DSCAM: variants seen among roughly 807,000 people sequenced by gnomAD.
The protein encoded by DSCAM is cell adhesion molecule DSCAM.
In DSCAM, 47 loss-of-function variants were observed where a neutral mutation model predicts 217.7. The ratio of observed to expected loss-of-function variants is 0.22; its 90% CI spans 0.17 to 0.28. The LOEUF (loss-of-function observed/expected upper bound fraction) is 0.28. Ranked by LOEUF, DSCAM falls within the 10% of genes least tolerant of loss-of-function variation. The pLI is 1.00. For missense variants in DSCAM, 2,080 were observed against 2,618.3 expected, an observed-to-expected ratio of 0.79 and a Z score of 4.49; for synonymous variants, 1,056 against 1,015.3, an observed-to-expected ratio of 1.04 and a Z score of -0.76.
chr21:40,677,825 G>T (rs1313927164), intron 3 of DSCAM, among the ~76,000 whole-genome samples: 1 of 151,978 alleles, frequency 6.6e-6, no homozygotes, highest in East Asian at 1.9e-4. Context: ...TATGAACCAG[G>T]AAGAGAACCC....
At chr21:40,371,509 G>A (rs2074898745) in intron 3 of DSCAM, among the ~76,000 whole-genome samples, 1 of 152,096 alleles carries the variant, frequency 6.6e-6, no homozygotes, top group African/African-American at 2.4e-5. Flanking sequence ...ATGAGTGGTG[G>A]CAAAATACAA....
chr21:40,528,553 T>C lies in DSCAM; in HGVS notation c.509-159308A>G, dbSNP rs375363693. ...TCCTTGAGCCAAGAATTTCTTCTAC[T>C]TCAATCGTCATGTCTGTGACATTTG... On this transcript the variant is annotated intron_variant, in intron 3 of 32. Transcript: ENST00000400454. Among the ~76,000 whole-genome samples the C allele has an allele frequency of 5.3e-5, 8 of 152,352 alleles. No homozygotes were observed. The East Asian group carries it at 9.6e-4, about 18-fold the overall frequency.
intron 1 of DSCAM, among the ~76,000 whole-genome samples, chr21:40,747,179 C>A (rs117532654): frequency 0.011 from 1,678 of 151,228 alleles, 12 homozygotes; most frequent in Middle Eastern, 0.027. Context: ...ACAAACTGAA[C>A]CCCAAATTAG....
chr21:40,203,159 C>T (rs1387599166), intron 11 of DSCAM, among the ~76,000 whole-genome samples: 1 of 152,200 alleles, frequency 6.6e-6, no homozygotes, highest in South Asian at 2.1e-4. Flanking sequence ...CATCTGTTTC[C>T]CACCTGGGTA....
intron 1 of DSCAM, among the ~76,000 whole-genome samples, chr21:40,821,570 T>C (rs528644588): frequency 1.3e-5 from 2 of 152,286 alleles, no homozygotes; most frequent in South Asian, 4.1e-4. Context: ...TATGTTTATA[T>C]TTAACATTTT....
At chr21:40,574,234 T>C (rs551635989) in intron 3 of DSCAM, among the ~76,000 whole-genome samples, 4 of 152,276 alleles carry the variant, frequency 2.6e-5, no homozygotes, top group African/African-American at 9.6e-5. Context: ...TCTATTAAAA[T>C]ATTAGCAATT....
chr21:40,304,295 T>C (rs1286044030), intron 9 of DSCAM, among the ~76,000 whole-genome samples: 1 of 152,280 alleles, frequency 6.6e-6, no homozygotes, highest in Non-Finnish European at 1.5e-5. Flanking sequence ...ACTTTTCTTA[T>C]GCAGCTTCCT....
intron 3 of DSCAM, among the ~76,000 whole-genome samples, chr21:40,509,824 C>A (rs1382987013): frequency 1.3e-5 from 2 of 152,042 alleles, no homozygotes; most frequent in Non-Finnish European, 2.9e-5. Context: ...ATGCTTTGAT[C>A]TTTCTCTAAA....
At chr21:40,111,959 T>C (rs2089904509) in intron 20 of DSCAM, among the ~76,000 whole-genome samples, 1 of 151,842 alleles carries the variant, frequency 6.6e-6, no homozygotes, top group Non-Finnish European at 1.5e-5. Context: ...TCCCACACAA[T>C]AATAATGGGA....
At position 40,533,994 on chromosome 21, in the gene DSCAM, A is replaced by G. The variant is rs550119340; in HGVS notation, c.508+158816T>C. Among the ~76,000 whole-genome samples the G allele has an allele frequency of 5.3e-5, 8 of 152,338 alleles. 1 individual carries two copies. Among genetic ancestry groups the G allele is most frequent in the Admixed American group, 5.2e-4 (8 of 15,306 alleles). ...TATGATCTCATTTTAAAATGGCCAC[A>G]TATTTTAAAATTTACTTGATAAATC... On this transcript the variant is annotated intron_variant, in intron 3 of 32. Coordinates refer to ENST00000400454, the MANE Select transcript of DSCAM (RefSeq NM_001389.5).
At position 40,738,787 on chromosome 21, in the gene DSCAM, G is replaced by C. The variant is rs75660914; in HGVS notation, c.44-30016C>G. ...CCACACTTGGAGAAGCAAAGTCCTAGAACCAGATAGCAGAGAATGCAGAGA... is the reference window on the plus strand; with the variant it reads ...CCACACTTGGAGAAGCAAAGTCCTACAACCAGATAGCAGAGAATGCAGAGA... On this transcript the variant is annotated intron_variant, in intron 1 of 32. Transcript: ENST00000400454. 4.3e-4 allele frequency among the ~76,000 whole-genome samples: 65 copies of C among 152,312 alleles called. 1 individual carries two copies. Among genetic ancestry groups the C allele is most frequent in the Non-Finnish European group, 7.9e-4 (54 of 68,032 alleles).
intron 3 of DSCAM, among the ~76,000 whole-genome samples, chr21:40,612,048 G>A (rs1354651493): frequency 6.6e-6 from 1 of 152,210 alleles, no homozygotes; most frequent in Non-Finnish European, 1.5e-5. Context: ...ATTGTGAGAT[G>A]AGTCTGGTCA....
At chr21:40,424,392 G>A (rs1204652263) in intron 3 of DSCAM, among the ~76,000 whole-genome samples, 1 of 152,158 alleles carries the variant, frequency 6.6e-6, no homozygotes, top group Non-Finnish European at 1.5e-5. Context: ...CCCATAGAGG[G>A]AACATGAGGT....
At chr21:40,101,788 G>C (rs534775688) in intron 20 of DSCAM, among the ~76,000 whole-genome samples, 1 of 151,368 alleles carries the variant, frequency 6.6e-6, no homozygotes, top group African/African-American at 2.4e-5. Context: ...GGAGGTGGTG[G>C]GGGGGGGTCC....
chr21:40,731,879 C>G (rs934011789), intron 1 of DSCAM, among the ~76,000 whole-genome samples: 1 of 151,544 alleles, frequency 6.6e-6, no homozygotes, highest in African/African-American at 2.4e-5. Flanking sequence ...CAGGTGTGCA[C>G]CACATCTGGC....
chr21:40,818,596 A>C (rs892652141), intron 1 of DSCAM, among the ~76,000 whole-genome samples: 2 of 148,634 alleles, frequency 1.3e-5, no homozygotes, highest in Non-Finnish European at 3.0e-5. Context: ...ACAAAGTCAC[A>C]TAAGATAGTT....
At position 40,491,960 on chromosome 21, in the gene DSCAM, T is replaced by A. The variant is rs1010178645; in HGVS notation, c.509-122715A>T. Among the ~76,000 whole-genome samples the A allele has an allele frequency of 5.3e-5, 8 of 152,222 alleles. 1 individual carries two copies. Among genetic ancestry groups the A allele is most frequent in the Admixed American group, 4.6e-4 (7 of 15,288 alleles). ...ATAACATTTGATCATACTATGTAATTTACATATTTATTAGGTTTGATGTAG... is the reference window on the plus strand; with the variant it reads ...ATAACATTTGATCATACTATGTAATATACATATTTATTAGGTTTGATGTAG... On this transcript the variant is annotated intron_variant, in intron 3 of 32. Transcript: ENST00000400454.
intron 8 of DSCAM, among the ~76,000 whole-genome samples, chr21:40,333,239 C>T (rs1223242744): frequency 6.6e-6 from 1 of 152,184 alleles, no homozygotes; most frequent in South Asian, 2.1e-4. Context: ...TTATCTCCCT[C>T]CCCTAATACT....
At chr21:40,411,381 T>C (rs2075322108) in intron 3 of DSCAM, among the ~76,000 whole-genome samples, 2 of 151,936 alleles carry the variant, frequency 1.3e-5, no homozygotes, top group African/African-American at 2.4e-5. Flanking sequence ...GAACAAAGGA[T>C]AGATAGGATA....
Sources: allele counts gnomAD v4.1 joint callset (sites outside exome capture counted in the v4.1 genomes callset), GRCh38; gene constraint gnomAD v4.1.1; transcripts MANE v1.5; gene names NCBI Gene and HGNC (gene_info 2026-07-23, HGNC 2026-07-21).